Variants in CNGB1 observed in about 807,000 individuals in gnomAD.
CNGB1 encodes the protein cyclic nucleotide-gated channel beta-1.
CNGB1 carries 126 observed loss-of-function variants against 151.7 expected under a neutral mutation model. That is an observed-to-expected ratio of 0.83 (90% CI 0.72 to 0.96). The LOEUF (loss-of-function observed/expected upper bound fraction) is 0.96, where lower values mean the gene tolerates loss of function less well. Ranked by LOEUF, CNGB1 falls within the 40% of genes least tolerant of loss-of-function variation. The probability of loss-of-function intolerance (pLI) is 0.00; values close to 1 mark genes in which losing one functional copy is unlikely to be tolerated. For synonymous variants in CNGB1, 623 were observed against 635.1 expected, an observed-to-expected ratio of 0.98 and a Z score of 0.29; for missense variants, 1,698 against 1,627.0, an observed-to-expected ratio of 1.04 and a Z score of -0.75.
chr16:57,918,943 T>C (rs1449121929), intron 20 of CNGB1, among the ~76,000 whole-genome samples, 156 bp downstream of exon 20: 6 of 152,172 alleles, frequency 3.9e-5, no homozygotes, highest in Non-Finnish European at 8.8e-5. Context: ...GGCAAGAAAC[T>C]GTGGAATACT....
chr16:57,925,987 C>G (rs988305627), intron 17 of CNGB1, among the ~76,000 whole-genome samples: 3 of 152,176 alleles, frequency 2.0e-5, no homozygotes, highest in Admixed American at 1.3e-4. Context: ...CGCCCCCGGC[C>G]ATGATTACTT....
chr16:57,925,223 A>G (rs58914278), intron 17 of CNGB1, among the ~76,000 whole-genome samples: 26,366 of 151,726 alleles, frequency 0.17, 4,658 homozygotes, highest in African/African-American at 0.46. Flanking sequence ...GGCTAGTCTC[A>G]ATCTCCCAAC....
chr16:57,919,798 A>T (rs1426707294), intron 19 of CNGB1, among the ~76,000 whole-genome samples: 1 of 152,098 alleles, frequency 6.6e-6, no homozygotes, highest in Non-Finnish European at 1.5e-5. Context: ...ATTGGCTCTT[A>T]TAGGTTCAAT....
chr16:57,925,878 G>T (rs1287442293), intron 17 of CNGB1, among the ~76,000 whole-genome samples: 1 of 152,094 alleles, frequency 6.6e-6, no homozygotes, highest in Non-Finnish European at 1.5e-5. Context: ...AGTAGAGACA[G>T]GGTTTCACCA....
chr16:57,928,306 G>C (rs1319469189), intron 17 of CNGB1, among the ~76,000 whole-genome samples: 1 of 152,256 alleles, frequency 6.6e-6, no homozygotes, highest in Non-Finnish European at 1.5e-5. Context: ...TAAGGGCAGA[G>C]AGCGGAAGAC....
In CNGB1 at chr16:57,939,475, T is replaced by C; in HGVS notation, c.1327A>G (p.Thr443Ala). 1 of 1,614,098 alleles carries C rather than the reference T, an allele frequency of 6.2e-7. No homozygotes were observed. The highest frequency in any genetic ancestry group is 2.2e-5 in the East Asian group (1 of 44,874). ...AEKEPQDWAE[T>A]KEEPEAEAEA... ...GCCTCAGCCTCAGGCTCCTCCTTGG[T>C]CTCCGCCCAGTCCTGGGGCTCCTTT... Residue 443 changes from threonine to alanine, a missense_variant, in exon 16 of 33, where the codon ACC (threonine) becomes GCC (alanine). Physicochemically the swap from Thr to Ala is moderately conservative, Grantham distance 58. Coordinates refer to ENST00000251102, the MANE Select transcript of CNGB1 (RefSeq NM_001297.5).
chr16:57,947,391 G>A (rs1235535593), intron 14 of CNGB1, among the ~76,000 whole-genome samples: 1 of 152,178 alleles, frequency 6.6e-6, no homozygotes, highest in African/African-American at 2.4e-5. Flanking sequence ...TCCATAGAAA[G>A]CAGAGGGCAA....
At chr16:57,907,820 AC>A (rs1283267159) in intron 25 of CNGB1, among the ~76,000 whole-genome samples, 3 of 152,010 alleles carry the variant, frequency 2.0e-5, no homozygotes, top group African/African-American at 7.3e-5. Flanking sequence ...TTAGATCTTG[AC>A]CCCATCCCTG....
At chr16:57,912,812 T>C (rs886315274) in intron 24 of CNGB1, 118 bp downstream of exon 24, 17 of 1,019,098 alleles carry the variant, frequency 1.7e-5, no homozygotes, top group Non-Finnish European at 2.1e-5. Flanking sequence ...GTGTGTGTGT[T>C]GTGTGTGTCG....
chr16:57,921,165 G>A (rs996971771), intron 18 of CNGB1, among the ~76,000 whole-genome samples: 2 of 147,630 alleles, frequency 1.4e-5, no homozygotes, highest in African/African-American at 5.0e-5. Flanking sequence ...AACTGCAGTC[G>A]ACTACTCTTT....
chr16:57,931,627 G>A (rs1311714239), intron 17 of CNGB1, 89 bp downstream of exon 17: 3 of 1,452,158 alleles, frequency 2.1e-6, no homozygotes, highest in Non-Finnish European at 2.9e-6. Context: ...TAGTCCAGCT[G>A]CTTCTCCCTC....
intron 29 of CNGB1, 99 bp from the exon 30 acceptor site, chr16:57,898,013 A>C: frequency 8.1e-7 from 1 of 1,234,584 alleles, no homozygotes; most frequent in Non-Finnish European, 1.2e-6. Context: ...GCAAGGAGGA[A>C]CCTAGGCACT....
At chr16:57,954,951 G>A (rs1962047059) in intron 12 of CNGB1, 1 of 1,081,966 alleles carries the variant, frequency 9.2e-7, no homozygotes, top group Non-Finnish European at 1.1e-6. Flanking sequence ...GTCTCACTGT[G>A]TTGCCCACGG....
At chr16:57,961,794 C>T (rs1417543453) in intron 7 of CNGB1, among the ~76,000 whole-genome samples, 2 of 152,132 alleles carry the variant, frequency 1.3e-5, no homozygotes, top group Non-Finnish European at 1.5e-5. Flanking sequence ...GTGACCAGGA[C>T]AAAAGCCCCT....
At chr16:57,966,990 T>C in intron 2 of CNGB1, 138 bp downstream of exon 2, 1 of 1,175,572 alleles carries the variant, frequency 8.5e-7, no homozygotes, top group Admixed American at 1.9e-5. Flanking sequence ...CGAACAAGTG[T>C]GGGACCCTGT....
At chr16:57,959,471 G>A (rs1015730379) in intron 10 of CNGB1, among the ~76,000 whole-genome samples, 3 of 152,028 alleles carry the variant, frequency 2.0e-5, no homozygotes, top group Non-Finnish European at 2.9e-5. Context: ...AAAGTTAGCC[G>A]GGCACCTGTA....
intron 25 of CNGB1, among the ~76,000 whole-genome samples, chr16:57,910,797 AT>A (rs1174018562): frequency 1.4e-5 from 2 of 147,998 alleles, no homozygotes; most frequent in Non-Finnish European, 3.0e-5. Context: ...CCTTACATGT[AT>A]TGATTGATGT....
intron 14 of CNGB1, among the ~76,000 whole-genome samples, chr16:57,944,511 TAA>T (rs1961753799): frequency 6.6e-6 from 1 of 152,256 alleles, no homozygotes; most frequent in East Asian, 1.9e-4. Flanking sequence ...TAAAAATTGT[TAA>T]GAGTAGATCT....
chr16:57,949,924 C>T (rs1390875567), intron 13 of CNGB1, among the ~76,000 whole-genome samples: 1 of 152,156 alleles, frequency 6.6e-6, no homozygotes, highest in Non-Finnish European at 1.5e-5. Context: ...TACAAGAGTG[C>T]CTGATGCAGA....
Sources: gnomAD v4.1 joint callset for allele counts (sites outside exome capture counted in the v4.1 genomes callset) on GRCh38, gnomAD v4.1.1 for gene constraint, MANE v1.5 for transcripts, NCBI Gene and HGNC (gene_info 2026-07-23, HGNC 2026-07-21) for gene names.